Variants in TMPRSS15 observed in about 807,000 individuals in gnomAD.
TMPRSS15 encodes enteropeptidase.
A neutral mutation model predicts 125.3 loss-of-function variants in TMPRSS15; 128 were observed. The ratio of observed to expected loss-of-function variants is 1.02; its 90% CI spans 0.89 to 1.18. TMPRSS15 has a LOEUF of 1.18. Ranked by LOEUF, TMPRSS15 falls within the 50% of genes most tolerant of loss-of-function variation. The probability of loss-of-function intolerance (pLI) is 0.00; values close to 1 mark genes in which losing one functional copy is unlikely to be tolerated. For missense variants in TMPRSS15, 1,283 were observed against 1,212.7 expected (o/e 1.06, Z -0.86); for synonymous variants, 446 against 423.2 (o/e 1.05, Z -0.66).
upstream of TMPRSS15, among the ~76,000 whole-genome samples, chr21:18,406,161 A>G (rs544643385): frequency 3.3e-5 from 5 of 152,316 alleles, no homozygotes; most frequent in East Asian, 9.6e-4. Context: ...GGTGTGATCA[A>G]GCCAGTTACC....
intron 1 of TMPRSS15, among the ~76,000 whole-genome samples, chr21:18,457,427 T>G (rs1978463704): frequency 1.3e-5 from 2 of 152,080 alleles, no homozygotes; most frequent in African/African-American, 4.8e-5. Context: ...AGCAACTTAT[T>G]ACGTTGGAAT....
At chr21:18,402,774 A>G (rs73325936) in intron 1 of TMPRSS15, among the ~76,000 whole-genome samples, 12,617 of 152,224 alleles carry the variant, frequency 0.083, 623 homozygotes, top group South Asian at 0.13. Context: ...GAACTTAAGC[A>G]AGTTACTTCT....
intron 22 of TMPRSS15, among the ~76,000 whole-genome samples, chr21:18,279,311 CTTTTTTTTTTTTTTTTT>C (rs71189593): frequency 7.3e-5 from 3 of 41,096 alleles, no homozygotes; most frequent in Admixed American, 4.4e-4. Flanking sequence ...CCTCGTTACT[CTTTTTTTTTTTTTTTTT>C]TTTTTTTTTT....
intron 1 of TMPRSS15, among the ~76,000 whole-genome samples, chr21:18,451,440 C>T (rs796251086): frequency 1.3e-5 from 2 of 151,676 alleles, no homozygotes; most frequent in African/African-American, 2.4e-5. Flanking sequence ...TTGTGCAAAA[C>T]TACAAATACA....
chr21:18,402,504 G>C (rs985567892), intron 1 of TMPRSS15, among the ~76,000 whole-genome samples: 1 of 141,034 alleles, frequency 7.1e-6, no homozygotes, highest in African/African-American at 2.6e-5. Flanking sequence ...ACTCCAGCCT[G>C]GCGACAGAGC....
At chr21:18,339,894 A>G (rs1416727849) in intron 13 of TMPRSS15, among the ~76,000 whole-genome samples, 3 of 152,140 alleles carry the variant, frequency 2.0e-5, no homozygotes, top group Non-Finnish European at 4.4e-5. Context: ...CACGCTTCCA[A>G]TTTGACTTAA....
In TMPRSS15 at chr21:18,269,935, T is replaced by C; in HGVS notation, c.*34A>G. ...TGCTTTCTAGAGTAGAATGGGAAAA[T>C]AATGCGACTTTCCTGTTTAGTTTAA... On this transcript the variant is annotated 3_prime_UTR_variant, in exon 25 of 25. Coordinates refer to ENST00000284885, the MANE Select transcript of TMPRSS15 (RefSeq NM_002772.3). 1.2e-6 allele frequency: 2 copies of C among 1,611,952 alleles called. No homozygotes were observed. Among genetic ancestry groups the C allele is most frequent in the Non-Finnish European group, 1.7e-6 (2 of 1,178,498 alleles).
chr21:18,428,829 A>G (rs1723754840), intron 1 of TMPRSS15, among the ~76,000 whole-genome samples: 2 of 152,188 alleles, frequency 1.3e-5, no homozygotes, highest in African/African-American at 4.8e-5. Context: ...GTTGGAGCAC[A>G]CAGAGGCCCT....
chr21:18,432,680 T>C (rs1470554541), intron 1 of TMPRSS15, among the ~76,000 whole-genome samples: 2 of 152,082 alleles, frequency 1.3e-5, no homozygotes, highest in Admixed American at 6.6e-5. Context: ...GTAGCATCCT[T>C]CCCTAGGGGC....
chr21:18,380,576 C>G (rs1363053342), intron 4 of TMPRSS15: 1 of 470,442 alleles, frequency 2.1e-6, no homozygotes, highest in African/African-American at 2.0e-5. Flanking sequence ...GAAAAATTCT[C>G]CAAAGATGCT....
chr21:18,390,072 G>A (rs1013629039), intron 3 of TMPRSS15, among the ~76,000 whole-genome samples: 5 of 152,192 alleles, frequency 3.3e-5, no homozygotes, highest in African/African-American at 1.2e-4. Context: ...AACATGCTAC[G>A]TTATTTTTTA....
Position 18,358,948 on chromosome 21 carries a change from A to T in TMPRSS15, c.880+809T>A, listed in dbSNP as rs73893078. ...GCAAGGTTCTTAAAATAAAGTTATTATATAAAATTTAATCACAGGTGTCAC... is the reference window on the plus strand; with the variant it reads ...GCAAGGTTCTTAAAATAAAGTTATTTTATAAAATTTAATCACAGGTGTCAC... On this transcript the variant is annotated intron_variant, in intron 8 of 24. Transcript: ENST00000284885. Among the ~76,000 whole-genome samples the T allele has an allele frequency of 9.5e-3, 1,447 of 152,198 alleles. 26 individuals carry two copies. The highest frequency in any genetic ancestry group is 0.033 in the African/African-American group (1,370 of 41,558).
intron 1 of TMPRSS15, among the ~76,000 whole-genome samples, chr21:18,436,392 C>T (rs1389943095): frequency 1.3e-5 from 2 of 151,934 alleles, no homozygotes; most frequent in African/African-American, 4.8e-5. Flanking sequence ...GTTATGTACC[C>T]AGTAGTCATT....
At chr21:18,383,835 GTTCAA>G (rs2075917051) in intron 3 of TMPRSS15, 57 bp from the exon 4 acceptor site, 4 of 1,573,720 alleles carry the variant, frequency 2.5e-6, no homozygotes, top group African/African-American at 1.4e-5. Context: ...ACTGATTTGT[GTTCAA>G]TTCATGTTAA....
intron 1 of TMPRSS15, among the ~76,000 whole-genome samples, chr21:18,438,506 T>G (rs1035199511): frequency 2.0e-5 from 3 of 152,164 alleles, no homozygotes; most frequent in African/African-American, 7.2e-5. Flanking sequence ...ATTATTAATT[T>G]CTTTCTAGAT....
At chr21:18,341,190 T>G (rs1278568103) in intron 13 of TMPRSS15, among the ~76,000 whole-genome samples, 1 of 152,146 alleles carries the variant, frequency 6.6e-6, no homozygotes, top group Non-Finnish European at 1.5e-5. Flanking sequence ...GCCTCTCCGG[T>G]AGCTGGGACT....
At chr21:18,308,351 GTTTAT>G (rs1373157134) in intron 18 of TMPRSS15, among the ~76,000 whole-genome samples, 1 of 149,578 alleles carries the variant, frequency 6.7e-6, no homozygotes, top group African/African-American at 2.5e-5. Flanking sequence ...TTTTGTTGAA[GTTTAT>G]ACTGTAGAAT....
chr21:18,317,473 C>A (rs1358409192), intron 16 of TMPRSS15, among the ~76,000 whole-genome samples: 6 of 151,820 alleles, frequency 4.0e-5, no homozygotes, highest in Admixed American at 3.9e-4. Context: ...GTGGTGCTAT[C>A]CAGCAAACCA....
At chr21:18,397,993 T>G in intron 2 of TMPRSS15, 47 bp from the exon 3 acceptor site, 2 of 1,340,410 alleles carry the variant, frequency 1.5e-6, no homozygotes, top group Non-Finnish European at 2.1e-6. Flanking sequence ...TTTAGGATTT[T>G]AACTTTTGTT....
Sources: gnomAD v4.1 joint callset for allele counts (sites outside exome capture counted in the v4.1 genomes callset) on GRCh38, gnomAD v4.1.1 for gene constraint, MANE v1.5 for transcripts, NCBI Gene and HGNC (gene_info 2026-07-23, HGNC 2026-07-21) for gene names.